Variants in ZNF407 observed in about 807,000 individuals in gnomAD.
ZNF407 encodes zinc finger protein 407.
A neutral mutation model predicts 131.2 loss-of-function variants in ZNF407; 17 were observed. The ratio of observed to expected loss-of-function variants is 0.13; its 90% CI spans 0.09 to 0.19. The LOEUF is 0.19. Among genes scored for constraint, ZNF407 ranks in the 10% least tolerant of loss-of-function variants. The pLI is 1.00. For missense variants in ZNF407, 2,681 were observed against 2,830.6 expected (o/e 0.95, Z 1.20); for synonymous variants, 1,156 against 1,062.0 (o/e 1.09, Z -1.72).
intron 3 of ZNF407, among the ~76,000 whole-genome samples, chr18:74,741,942 A>G (rs1300720505): frequency 6.6e-6 from 1 of 152,230 alleles, no homozygotes; most frequent in South Asian, 2.1e-4. Flanking sequence ...TAAAGTTTAC[A>G]AAGGAAAACC....
At chr18:75,052,177 T>C (rs1351089823) in intron 8 of ZNF407, among the ~76,000 whole-genome samples, 3 of 152,212 alleles carry the variant, frequency 2.0e-5, no homozygotes, top group Non-Finnish European at 4.4e-5. Flanking sequence ...CATGTGTATG[T>C]ATATATTTCA....
At chr18:74,847,241 C>G (rs1040592418) in intron 4 of ZNF407, among the ~76,000 whole-genome samples, 1 of 152,112 alleles carries the variant, frequency 6.6e-6, no homozygotes, top group African/African-American at 2.4e-5. Flanking sequence ...TTAAGGAACA[C>G]AGCTTTGAAG....
At chr18:75,042,511 G>A (rs1973385469) in intron 8 of ZNF407, among the ~76,000 whole-genome samples, 1 of 152,052 alleles carries the variant, frequency 6.6e-6, no homozygotes, top group Non-Finnish European at 1.5e-5. Flanking sequence ...GAATTTAGGA[G>A]TGCTCCACAG....
At chr18:74,857,190 A>G (rs1037439622) in intron 4 of ZNF407, among the ~76,000 whole-genome samples, 3 of 152,196 alleles carry the variant, frequency 2.0e-5, no homozygotes, top group African/African-American at 7.2e-5. Context: ...CACCAGCAGC[A>G]ATGACTATTC....
At chr18:74,858,976 G>T (rs1970899032) in intron 4 of ZNF407, among the ~76,000 whole-genome samples, 1 of 151,598 alleles carries the variant, frequency 6.6e-6, no homozygotes, top group African/African-American at 2.4e-5. Context: ...AATGGCCCCT[G>T]AGTACAGCGA....
chr18:74,926,782 A>G (rs1387656862), intron 8 of ZNF407, among the ~76,000 whole-genome samples: 1 of 152,244 alleles, frequency 6.6e-6, no homozygotes, highest in Non-Finnish European at 1.5e-5. Context: ...TGCCTGGGCG[A>G]CAAGAGTGAA....
chr18:74,996,381 A>T (rs964659016), intron 8 of ZNF407, among the ~76,000 whole-genome samples: 8 of 152,222 alleles, frequency 5.3e-5, no homozygotes, highest in African/African-American at 1.9e-4. Flanking sequence ...TGGCAGTAAA[A>T]ATGATTGGTT....
At chr18:74,882,921 G>A (rs1971257164) in intron 6 of ZNF407, among the ~76,000 whole-genome samples, 1 of 152,182 alleles carries the variant, frequency 6.6e-6, no homozygotes, top group Non-Finnish European at 1.5e-5. Context: ...AAATGCCATT[G>A]AAGTTCACCT....
intron 3 of ZNF407, among the ~76,000 whole-genome samples, chr18:74,768,663 A>G (rs1051958630): frequency 1.3e-5 from 2 of 152,190 alleles, no homozygotes; most frequent in African/African-American, 4.8e-5. Context: ...ATAGATAGAT[A>G]GATTTTTCTT....
At chr18:74,899,442 G>A (rs931032946) in intron 7 of ZNF407, among the ~76,000 whole-genome samples, 1 of 152,124 alleles carries the variant, frequency 6.6e-6, no homozygotes, top group Non-Finnish European at 1.5e-5. Context: ...AGGGCTGCTG[G>A]GTGAGTGACC....
intron 4 of ZNF407, among the ~76,000 whole-genome samples, chr18:74,789,737 C>T (rs1477910527): frequency 6.6e-6 from 1 of 152,182 alleles, no homozygotes; most frequent in East Asian, 1.9e-4. Context: ...GGTCTCTTCT[C>T]TTCCCCAGTC....
At chr18:74,916,601 G>A (rs1599241510) in intron 7 of ZNF407, among the ~76,000 whole-genome samples, 4 of 102,178 alleles carry the variant, frequency 3.9e-5, no homozygotes, top group South Asian at 3.9e-4. Flanking sequence ...GTATGGTGAG[G>A]TTGTATGCAG....
intron 4 of ZNF407, among the ~76,000 whole-genome samples, chr18:74,786,798 T>G (rs984306932): frequency 7.7e-5 from 8 of 103,626 alleles, no homozygotes; most frequent in South Asian, 3.9e-4. Context: ...AGTATGTTTT[T>G]TTTTTTTTTT....
chr18:74,625,374 G>A (rs1336714134), intron 1 of ZNF407, among the ~76,000 whole-genome samples: 3 of 151,916 alleles, frequency 2.0e-5, no homozygotes, highest in South Asian at 2.1e-4. Flanking sequence ...ATGTGCGTAC[G>A]TATGTATGTC....
chr18:74,884,306 A>G lies in ZNF407; in HGVS notation c.5128+3187A>G, dbSNP rs900924733. On this transcript the variant is annotated intron_variant, in intron 6 of 8. Coordinates refer to ENST00000299687, the MANE Select transcript of ZNF407 (RefSeq NM_017757.3). ...CACAAAACTCCTTCTATATTTCTGT[A>G]GTATATTTTCCTGAAGAAATTACCC... Among the ~76,000 whole-genome samples, 3 of 152,354 alleles carry G rather than the reference A, an allele frequency of 2.0e-5. No homozygotes were observed. In the South Asian group the frequency reaches 6.2e-4, roughly 32 times the overall value.
chr18:74,808,497 T>C (rs1290178768), intron 4 of ZNF407, among the ~76,000 whole-genome samples: 1 of 152,218 alleles, frequency 6.6e-6, no homozygotes, highest in African/African-American at 2.4e-5. Flanking sequence ...ACTGAGACTT[T>C]AAAATTTTTA....
At chr18:75,035,434 G>C (rs1201598402) in intron 8 of ZNF407, among the ~76,000 whole-genome samples, 1 of 152,108 alleles carries the variant, frequency 6.6e-6, no homozygotes, top group Non-Finnish European at 1.5e-5. Context: ...AGCAAATAAC[G>C]GTTTAGTGAT....
rs58103313 is a variant in ZNF407, at chr18:74,766,009, CTG to C, written c.4803-15373_4803-15372del. Among the ~76,000 whole-genome samples, 488 of 148,172 alleles carry C rather than the reference CTG, an allele frequency of 3.3e-3. 4 individuals are homozygous for C. The highest frequency in any genetic ancestry group is 0.012 in the African/African-American group (462 of 40,090). On this transcript the variant is annotated intron_variant, in intron 3 of 8. Transcript: ENST00000299687. ...GCCACTGTGATATACGCATATTACT[CTG>C]TGTGTGTGTGTGTGTGTGTGTGTGT... is the stretch of plus-strand genomic sequence containing the variant.
intron 8 of ZNF407, among the ~76,000 whole-genome samples, chr18:75,047,354 C>T (rs1436747182): frequency 1.3e-5 from 2 of 152,182 alleles, no homozygotes; most frequent in African/African-American, 2.4e-5. Flanking sequence ...ACGGCCCTTC[C>T]TCCAGGGCTG....
Sources: allele counts gnomAD v4.1 joint callset (sites outside exome capture counted in the v4.1 genomes callset), GRCh38; gene constraint gnomAD v4.1.1; transcripts MANE v1.5; gene names NCBI Gene and HGNC (gene_info 2026-07-23, HGNC 2026-07-21).